The following KLRG1 variants were observed in gnomAD, a reference collection of about 807,000 sequenced individuals.
The protein encoded by KLRG1 is killer cell lectin-like receptor subfamily G member 1.
A neutral mutation model predicts 21.8 loss-of-function variants in KLRG1; 16 were observed. The observed-to-expected ratio is 0.73, with a 90% CI of 0.50 to 1.11. KLRG1 has a LOEUF of 1.11. KLRG1 is among the 50% of genes most tolerant of loss of function. The pLI is 0.00. For missense variants in KLRG1, 173 were observed against 218.3 expected, an observed-to-expected ratio of 0.79 and a Z score of 1.31; for synonymous variants, 69 against 75.9, an observed-to-expected ratio of 0.91 and a Z score of 0.47.
the KLRG1 span, among the ~76,000 whole-genome samples, chr12:9,181,487 C>A: frequency 6.6e-6 from 1 of 152,098 alleles, no homozygotes. Context: ...GCTTTGGCGA[C>A]ACATTAATTT....
the KLRG1 span, among the ~76,000 whole-genome samples, chr12:9,034,596 G>A: frequency 2.6e-5 from 4 of 151,944 alleles, no homozygotes; most frequent in East Asian, 1.9e-4. Flanking sequence ...ACAGGCATGC[G>A]CCACCATGCC....
intron 3 of KLRG1, among the ~76,000 whole-genome samples, chr12:8,995,577 G>A (rs768843526): frequency 6.6e-6 from 1 of 152,260 alleles, no homozygotes; most frequent in South Asian, 2.1e-4. Flanking sequence ...GGGCAAGGAG[G>A]CAGAAGGATG....
At chr12:9,170,865 T>G in the KLRG1 span, among the ~76,000 whole-genome samples, 1 of 152,128 alleles carries the variant, frequency 6.6e-6, no homozygotes, top group African/African-American at 2.4e-5. This position sits in a 1 kb window ranked among gnomAD's most constrained non-coding sequence, Gnocchi z 4.6. Flanking sequence ...ACCGAGCTCC[T>G]GGGGGGCAGG....
the KLRG1 span, chr12:9,098,616 C>T: frequency 1.9e-5 from 31 of 1,602,102 alleles, no homozygotes; most frequent in Admixed American, 5.1e-5. Context: ...CCGAGGACGC[C>T]GAGAGCTCAG....
chr12:9,194,078 C>T, the KLRG1 span: 12 of 1,611,480 alleles, frequency 7.4e-6, no homozygotes, highest in Middle Eastern at 1.7e-4. Flanking sequence ...TATACTTACC[C>T]GGACAAAAAG....
At chr12:9,095,817 T>A in the KLRG1 span, 2 of 807,072 alleles carry the variant, frequency 2.5e-6, no homozygotes, top group East Asian at 3.2e-5. Context: ...CGGACTGCAG[T>A]GGCGCAATCT....
At chr12:9,154,651 G>C in the KLRG1 span, 8 of 1,614,208 alleles carry the variant, frequency 5.0e-6, no homozygotes, top group South Asian at 8.8e-5. Flanking sequence ...GCGTTCTGCT[G>C]CTTCATGATC....
chr12:9,207,952 A>C, the KLRG1 span, among the ~76,000 whole-genome samples: 1 of 152,196 alleles, frequency 6.6e-6, no homozygotes, highest in African/African-American at 2.4e-5. Context: ...ATATATTTCG[A>C]ATATCTCTAT....
chr12:9,104,204 A>G, the KLRG1 span: 1 of 1,594,614 alleles, frequency 6.3e-7, no homozygotes, highest in Non-Finnish European at 8.5e-7. Flanking sequence ...TTCCAAGGCT[A>G]CTTCATGTCA....
chr12:9,076,904 C>G, the KLRG1 span: 5 of 1,607,158 alleles, frequency 3.1e-6, no homozygotes, highest in Admixed American at 5.0e-5. Context: ...AGGCTGACTC[C>G]AGGCAAAACA....
At chr12:9,023,925 A>G in the KLRG1 span, among the ~76,000 whole-genome samples, 3 of 150,360 alleles carry the variant, frequency 2.0e-5, no homozygotes, top group African/African-American at 7.4e-5. Flanking sequence ...TAAATGCCCA[A>G]TTATTTTAGA....
the KLRG1 span, among the ~76,000 whole-genome samples, chr12:9,021,721 A>G: frequency 3.9e-5 from 6 of 152,156 alleles, no homozygotes; most frequent in Non-Finnish European, 8.8e-5. Flanking sequence ...AAAAAACAAG[A>G]CATAAGCATG....
chr12:9,095,951 G>C, the KLRG1 span, among the ~76,000 whole-genome samples: 1 of 150,788 alleles, frequency 6.6e-6, no homozygotes, highest in Non-Finnish European at 1.5e-5. Flanking sequence ...AGTAGAGACG[G>C]GGTTTCACCT....
At chr12:9,086,750 C>G in the KLRG1 span, among the ~76,000 whole-genome samples, 1 of 152,158 alleles carries the variant, frequency 6.6e-6, no homozygotes, top group Admixed American at 6.5e-5. Context: ...CCCACTGCCA[C>G]CATTTATTTT....
chr12:9,170,511 C>T, the KLRG1 span, among the ~76,000 whole-genome samples: 1 of 152,200 alleles, frequency 6.6e-6, no homozygotes, highest in African/African-American at 2.4e-5. This position sits in a 1 kb window ranked among gnomAD's most constrained non-coding sequence, Gnocchi z 4.6. Context: ...CCCACTTCCA[C>T]AGCACCTCAC....
the KLRG1 span, among the ~76,000 whole-genome samples, chr12:9,103,568 TTC>T: frequency 1.3e-5 from 2 of 152,126 alleles, no homozygotes; most frequent in African/African-American, 4.8e-5. Flanking sequence ...AATTCCCCAT[TTC>T]TCTCTTTCCC....
At chr12:9,207,832 C>T in the KLRG1 span, among the ~76,000 whole-genome samples, 1 of 152,112 alleles carries the variant, frequency 6.6e-6, no homozygotes, top group African/African-American at 2.4e-5. Flanking sequence ...TGCTTTGGTC[C>T]CCCACTGGGG....
At chr12:9,071,726 G>A in the KLRG1 span, among the ~76,000 whole-genome samples, 1 of 152,104 alleles carries the variant, frequency 6.6e-6, no homozygotes, top group Admixed American at 6.6e-5. Context: ...AGTTTGCCAA[G>A]GATAATGACC....
chr12:9,059,339 T>C, the KLRG1 span, among the ~76,000 whole-genome samples: 1 of 149,960 alleles, frequency 6.7e-6, no homozygotes, highest in Non-Finnish European at 1.5e-5. Flanking sequence ...ATCTAGAATG[T>C]ATCAGCACCT....
Sources: gnomAD v4.1 joint callset for allele counts (sites outside exome capture counted in the v4.1 genomes callset) on GRCh38, gnomAD v4.1.1 for gene constraint, Gnocchi (gnomAD v3.1) non-coding constraint, MANE v1.5 for transcripts, NCBI Gene and HGNC (gene_info 2026-07-23, HGNC 2026-07-21) for gene names.